Variants in SPAG16 observed in about 807,000 individuals in gnomAD.
SPAG16 encodes sperm-associated antigen 16 protein.
A neutral mutation model predicts 80.4 loss-of-function variants in SPAG16; 86 were observed. The ratio of observed to expected loss-of-function variants is 1.07; its 90% CI spans 0.90 to 1.28. The LOEUF (loss-of-function observed/expected upper bound fraction) is 1.28, where lower values mean the gene tolerates loss of function less well. Among genes scored for constraint, SPAG16 ranks in the 50% most tolerant of loss-of-function variants. SPAG16 has a pLI of 0.00. For synonymous variants in SPAG16, 294 were observed against 265.9 expected (o/e 1.11, Z -1.03); for missense variants, 870 against 765.3 (o/e 1.14, Z -1.61).
chr2:213,712,952 A>G (rs1472160017), intron 10 of SPAG16, among the ~76,000 whole-genome samples: 9 of 152,102 alleles, frequency 5.9e-5, no homozygotes, highest in Non-Finnish European at 4.4e-5. Flanking sequence ...AAAGAGGTTT[A>G]ATGGACTCAC....
At chr2:213,991,558 C>T (rs958249320) in intron 12 of SPAG16, among the ~76,000 whole-genome samples, 3 of 152,054 alleles carry the variant, frequency 2.0e-5, no homozygotes, top group Non-Finnish European at 2.9e-5. Context: ...GTTTTCCATT[C>T]CCTGGTGCTC....
chr2:214,155,062 T>C (rs1052782550), intron 15 of SPAG16, among the ~76,000 whole-genome samples: 3 of 152,036 alleles, frequency 2.0e-5, no homozygotes, highest in Non-Finnish European at 4.4e-5. Flanking sequence ...ATTCCCAGAG[T>C]TGAAGAGCCA....
intron 10 of SPAG16, among the ~76,000 whole-genome samples, chr2:213,700,420 C>T (rs964768433): frequency 2.0e-5 from 3 of 147,810 alleles, no homozygotes; most frequent in African/African-American, 7.3e-5. Context: ...AAATATAACA[C>T]ATCATATTTA....
intron 6 of SPAG16, among the ~76,000 whole-genome samples, chr2:213,348,849 A>C (rs950027364): frequency 6.6e-6 from 1 of 151,976 alleles, no homozygotes; most frequent in African/African-American, 2.4e-5. Flanking sequence ...TCTGACAATT[A>C]TGTGTCCTGG....
intron 12 of SPAG16, among the ~76,000 whole-genome samples, chr2:213,960,116 A>G (rs1192991618): frequency 6.6e-6 from 1 of 152,042 alleles, no homozygotes; most frequent in Non-Finnish European, 1.5e-5. Flanking sequence ...CCAATACCCT[A>G]TCTTCAAATT....
At chr2:214,041,397 A>G (rs866153260) in intron 13 of SPAG16, among the ~76,000 whole-genome samples, 1 of 150,252 alleles carries the variant, frequency 6.7e-6, no homozygotes, top group Non-Finnish European at 1.5e-5. Flanking sequence ...TAATAAACAA[A>G]GACTCTTTGC....
At chr2:213,372,862 G>A (rs1206174962) in intron 8 of SPAG16, among the ~76,000 whole-genome samples, 2 of 152,102 alleles carry the variant, frequency 1.3e-5, no homozygotes, top group Non-Finnish European at 2.9e-5. Flanking sequence ...TTAAATTATG[G>A]TATTTATGTC....
chr2:213,577,143 A>G (rs565085140), intron 10 of SPAG16, among the ~76,000 whole-genome samples: 1 of 152,284 alleles, frequency 6.6e-6, no homozygotes, highest in African/African-American at 2.4e-5. Flanking sequence ...TTCAATTAAT[A>G]AAGGGTACAT....
intron 9 of SPAG16, among the ~76,000 whole-genome samples, chr2:213,456,342 A>G (rs1375220242): frequency 6.6e-6 from 1 of 152,176 alleles, no homozygotes; most frequent in Non-Finnish European, 1.5e-5. Flanking sequence ...ACTTCCTTGT[A>G]TGTACTTTAA....
rs57100155 is a variant in SPAG16, at chr2:213,996,565, C to CTT, written c.1401-17366_1401-17365dup. ...AGGAAGCTCTCCTACTAATGCTATT[C>CTT]TTTTTTTTTTTTTTTTTTTTTGAGA... On this transcript the variant is annotated intron_variant, in intron 12 of 15. Coordinates refer to ENST00000331683, the MANE Select transcript of SPAG16 (RefSeq NM_024532.5). 7.2e-3 allele frequency among the ~76,000 whole-genome samples: 837 copies of CTT among 116,930 alleles called. 13 individuals are homozygous for CTT. The highest frequency in any genetic ancestry group is 0.021 in the African/African-American group (619 of 30,010). 76.7% of individuals were successfully genotyped at this position (116,930 alleles called of 152,430 possible). A position where few individuals can be genotyped will look rare whatever the true frequency, so the allele number is the denominator to read the frequency against.
At chr2:214,281,649 A>G (rs1483392332) in intron 15 of SPAG16, among the ~76,000 whole-genome samples, 2 of 152,228 alleles carry the variant, frequency 1.3e-5, no homozygotes, top group Non-Finnish European at 2.9e-5. Flanking sequence ...AGTTTTTTAG[A>G]AAGTTTAATA....
chr2:213,584,883 T>C (rs868339248), intron 10 of SPAG16, among the ~76,000 whole-genome samples: 2 of 152,150 alleles, frequency 1.3e-5, no homozygotes, highest in East Asian at 1.9e-4. Context: ...TGTACTCTTA[T>C]CGTTTTTAAA....
chr2:213,423,033 T>C (rs189714150), intron 9 of SPAG16, among the ~76,000 whole-genome samples: 3 of 152,364 alleles, frequency 2.0e-5, no homozygotes, highest in African/African-American at 7.2e-5. Context: ...GCTTGTCTTT[T>C]ATTGACTTAT....
chr2:214,323,328 A>G (rs200701955), intron 15 of SPAG16, among the ~76,000 whole-genome samples: 1 of 143,188 alleles, frequency 7.0e-6, no homozygotes, highest in Non-Finnish European at 1.6e-5. Flanking sequence ...TTAAATATAT[A>G]TATATATTTA....
At chr2:214,141,303 C>T (rs2055345206) in intron 14 of SPAG16, among the ~76,000 whole-genome samples, 1 of 151,836 alleles carries the variant, frequency 6.6e-6, no homozygotes, top group Non-Finnish European at 1.5e-5. Flanking sequence ...TCCGTCTCTA[C>T]TAAAAATACA....
chr2:213,699,141 TTTTA>T (rs2065290627), intron 10 of SPAG16, among the ~76,000 whole-genome samples: 2 of 152,192 alleles, frequency 1.3e-5, no homozygotes, highest in Admixed American at 6.5e-5. Context: ...CCACTCCTCT[TTTTA>T]TTTTTCTGCT....
chr2:214,164,081 C>G (rs897068916), intron 15 of SPAG16, among the ~76,000 whole-genome samples: 6 of 152,012 alleles, frequency 3.9e-5, no homozygotes, highest in African/African-American at 1.4e-4. Context: ...TTGTCTTGAC[C>G]TTGTCTTTCC....
intron 1 of SPAG16, among the ~76,000 whole-genome samples, chr2:213,291,890 G>A (rs2062289244): frequency 6.6e-6 from 1 of 152,188 alleles, no homozygotes; most frequent in Non-Finnish European, 1.5e-5. Flanking sequence ...GGTTGTGTGA[G>A]AATAAATATA....
chr2:213,489,482 C>T (rs905131210), intron 9 of SPAG16, among the ~76,000 whole-genome samples: 28 of 151,942 alleles, frequency 1.8e-4, no homozygotes, highest in African/African-American at 6.5e-4. Context: ...AGTACTGTGT[C>T]CTTAGATTTA....
Sources: allele counts gnomAD v4.1 joint callset (sites outside exome capture counted in the v4.1 genomes callset), GRCh38; gene constraint gnomAD v4.1.1; transcripts MANE v1.5; gene names NCBI Gene and HGNC (gene_info 2026-07-23, HGNC 2026-07-21).